Variants in NOS1 observed in about 807,000 individuals in gnomAD.
The protein encoded by NOS1 is nitric oxide synthase 1, also known as NOS type I.
A neutral mutation model predicts 164.5 loss-of-function variants in NOS1; 51 were observed. The observed-to-expected ratio is 0.31, with a 90% confidence interval of 0.25 to 0.39. The LOEUF (loss-of-function observed/expected upper bound fraction) is 0.39. NOS1 is among the 10% of genes least tolerant of loss of function. The pLI, the probability that NOS1 is intolerant of heterozygous loss-of-function variation, is 1.00. For missense variants in NOS1, 1,362 were observed against 1,885.6 expected (o/e 0.72, Z 5.14); for synonymous variants, 719 against 745.8 (o/e 0.96, Z 0.59).
intron 3 of NOS1, among the ~76,000 whole-genome samples, 167 bp from the exon 4 acceptor site, chr12:117,290,593 TTCCTGG>T (rs1386731527): frequency 4.6e-5 from 7 of 151,898 alleles, no homozygotes; most frequent in African/African-American, 1.7e-4. Flanking sequence ...ATGTACAAGG[TTCCTGG>T]GAACCTGATT....
At chr12:117,351,178 G>A (rs1876600887) in intron 1 of NOS1, among the ~76,000 whole-genome samples, 1 of 152,196 alleles carries the variant, frequency 6.6e-6, no homozygotes, top group African/African-American at 2.4e-5. Context: ...TGGCCAATGG[G>A]ATGTGGAGAC....
chr12:117,256,060 C>T (rs769478577), intron 16 of NOS1: 4 of 1,272,564 alleles, frequency 3.1e-6, no homozygotes, highest in Non-Finnish European at 3.1e-6. Flanking sequence ...ATCGATGGTG[C>T]CCTATCTCTC....
chr12:117,315,151 G>A (rs1349919133), intron 2 of NOS1, among the ~76,000 whole-genome samples: 2 of 152,076 alleles, frequency 1.3e-5, no homozygotes, highest in African/African-American at 4.8e-5. Context: ...CAGTTGAAGT[G>A]TTTTGCCAAC....
At chr12:117,268,420 C>T (rs559704997) in intron 10 of NOS1, among the ~76,000 whole-genome samples, 166 of 151,436 alleles carry the variant, frequency 1.1e-3, no homozygotes, top group African/African-American at 4.0e-3. Flanking sequence ...TTAGTAGAGA[C>T]GGGGTTTCAC....
At chr12:117,321,112 C>T (rs543884738) in intron 2 of NOS1, among the ~76,000 whole-genome samples, 13 of 152,258 alleles carry the variant, frequency 8.5e-5, no homozygotes, top group Admixed American at 3.3e-4. Flanking sequence ...CGAGTTCAAG[C>T]GATTCTCCTG....
rs1491284405 is a variant in NOS1, at chr12:117,265,781, T to TCTTC, written c.1942-272_1942-271insGAAG. On this transcript the variant is annotated intron_variant, in intron 11 of 28. Transcript: ENST00000317775. Reference sequence around the variant, plus strand: ...TCCCATCCCACCCCCATCTTTTTTTTCTTTCTTTCTTTCTTTTTCTTTTTT... The same window carrying TCTTC: ...TCCCATCCCACCCCCATCTTTTTTTTCTTCCTTTCTTTCTTTCTTTTTCTTTTTT... Among the ~76,000 whole-genome samples the TCTTC allele has an allele frequency of 2.6e-5, 4 of 151,824 alleles. No homozygotes were observed. The East Asian group carries it at 7.7e-4, about 29-fold the overall frequency.
intron 5 of NOS1, 34 bp downstream of exon 5, chr12:117,288,040 T>A: frequency 6.2e-7 from 1 of 1,611,792 alleles, no homozygotes; most frequent in Non-Finnish European, 8.5e-7. Context: ...TTCGATAACT[T>A]ACCTCGGGCT....
In NOS1 at chr12:117,212,626, A is replaced by G. The variant is rs554043981; in HGVS notation, c.*2683T>C. On this transcript the variant is annotated 3_prime_UTR_variant, in exon 29 of 29. Transcript: ENST00000317775. ...ATGGGGCTGGAGCTGCTACTGGTCAATTCAGGGGGAAGAGGGAAATAAATG... is the reference window on the plus strand; with the variant it reads ...ATGGGGCTGGAGCTGCTACTGGTCAGTTCAGGGGGAAGAGGGAAATAAATG... 18 of 985,474 alleles carry G rather than the reference A, an allele frequency of 1.8e-5. No individual in the cohort carries two copies. The Admixed American group carries it at 1.0e-3, about 57-fold the overall frequency. The allele number at this position is 985,474 out of a possible 1,614,324, so 61.0% of individuals were successfully genotyped here.
rs1875545727 is a variant in NOS1, at chr12:117,331,497, G to C, written c.-420-8C>G. 6.1e-6 allele frequency: 1 copy of C among 163,942 alleles called. No homozygotes were observed. The highest frequency in any genetic ancestry group is 1.3e-5 in the Non-Finnish European group (1 of 75,086). 10.2% of individuals were successfully genotyped at this position (163,942 alleles called of 1,614,324 possible). A position where few individuals can be genotyped will look rare whatever the true frequency, so the allele number is the denominator to read the frequency against. On this transcript the variant is annotated splice_polypyrimidine_tract_variant and splice_region_variant and intron_variant, in intron 1 of 28. Coordinates refer to ENST00000317775, the MANE Select transcript of NOS1 (RefSeq NM_000620.5). ...GATCTGAGGCATCATGAGCTGAAGAGGAAGAACAGGAGGGGATGAAAAGAA... is the reference window on the plus strand; with the variant it reads ...GATCTGAGGCATCATGAGCTGAAGACGAAGAACAGGAGGGGATGAAAAGAA...
Position 117,209,787 on chromosome 12 carries a change from C to A in NOS1, c.*5522G>T, listed in dbSNP as rs1443815432. 31 of 985,340 alleles carry A rather than the reference C, an allele frequency of 3.1e-5. No individual in the cohort carries two copies. The highest frequency in any genetic ancestry group is 3.6e-5 in the Non-Finnish European group (30 of 829,980). 61.0% of individuals were successfully genotyped at this position (985,340 alleles called of 1,614,324 possible). A position where few individuals can be genotyped will look rare whatever the true frequency, so the allele number is the denominator to read the frequency against. On this transcript the variant is annotated 3_prime_UTR_variant, in exon 29 of 29. Coordinates refer to ENST00000317775, the MANE Select transcript of NOS1 (RefSeq NM_000620.5). Reference sequence around the variant, plus strand: ...CAGCTTTTCTTTTGGGGCCCCTTTGCCACAAGGCAGGGACTGGCAGTGGGC... The same window carrying A: ...CAGCTTTTCTTTTGGGGCCCCTTTGACACAAGGCAGGGACTGGCAGTGGGC...
At chr12:117,292,243 A>G (rs945038895) in intron 3 of NOS1, among the ~76,000 whole-genome samples, 3 of 152,188 alleles carry the variant, frequency 2.0e-5, no homozygotes, top group Non-Finnish European at 4.4e-5. Flanking sequence ...GATGATAAGA[A>G]TAGAAAATGG....
At position 117,258,429 on chromosome 12, in the gene NOS1, C is replaced by T. The variant is rs1257293385; in HGVS notation, c.2499G>A (p.Met833Ile). The change falls in exon 16 of 29, where the codon ATG becomes ATA. Residue 833 changes from methionine to isoleucine, a missense_variant. This residue lies in a region of NOS1 where 737 missense variants were observed against 1,030.3 expected (regional missense o/e 0.72). Coordinates refer to ENST00000317775, the MANE Select transcript of NOS1 (RefSeq NM_000620.5). ...CTTCCTGCACAGAGTTGGGGTGCCTCATTTCCATCAAAGCACAGCCGAATT... is the reference window on the plus strand; with the variant it reads ...CTTCCTGCACAGAGTTGGGGTGCCTTATTTCCATCAAAGCACAGCCGAATT... Reference protein sequence around the residue: ...GEKFGCALMEMRHPNSVQEER... With the variant: ...GEKFGCALMEIRHPNSVQEER... 22 of 1,614,046 alleles carry T rather than the reference C, an allele frequency of 1.4e-5. No homozygotes were observed. The highest frequency in any genetic ancestry group is 1.9e-5 in the Non-Finnish European group (22 of 1,180,048).
intron 7 of NOS1, among the ~76,000 whole-genome samples, chr12:117,283,056 A>ATATATATTTTTT (rs1360367568): frequency 1.1e-5 from 1 of 92,954 alleles, no homozygotes; most frequent in African/African-American, 3.6e-5. Flanking sequence ...ATATATATAT[A>ATATATATTTTTT]TTTTTTTTTT....
At chr12:117,358,547 C>T (rs1309770066) in intron 1 of NOS1, among the ~76,000 whole-genome samples, 1 of 152,220 alleles carries the variant, frequency 6.6e-6, no homozygotes, top group Non-Finnish European at 1.5e-5. Flanking sequence ...CCAGTCTTGG[C>T]ATACCAGCAT....
chr12:117,241,241 T>A (rs1432685699), intron 20 of NOS1, among the ~76,000 whole-genome samples: 1 of 152,060 alleles, frequency 6.6e-6, no homozygotes, highest in Admixed American at 6.5e-5. Flanking sequence ...CCTGGCCAAG[T>A]AATTTTTCTA....
chr12:117,306,910 G>A (rs540267416), intron 3 of NOS1, among the ~76,000 whole-genome samples: 5 of 152,276 alleles, frequency 3.3e-5, no homozygotes, highest in East Asian at 3.9e-4. Context: ...GTGAGCCACC[G>A]CGCCTGGCCC....
chr12:117,304,611 A>G (rs1179448679), intron 3 of NOS1, among the ~76,000 whole-genome samples: 11 of 152,176 alleles, frequency 7.2e-5, no homozygotes, highest in South Asian at 2.1e-4. Flanking sequence ...TGTTCTATCT[A>G]CTATCCCAGG....
At chr12:117,359,529 G>A (rs1027320550) in intron 1 of NOS1, among the ~76,000 whole-genome samples, 1 of 152,130 alleles carries the variant, frequency 6.6e-6, no homozygotes. Flanking sequence ...TCTCCTTTCT[G>A]CTGTCTCCCA....
At chr12:117,242,541 T>G (rs1329212791) in intron 20 of NOS1, 86 bp downstream of exon 20, 1 of 1,073,714 alleles carries the variant, frequency 9.3e-7, no homozygotes, top group Admixed American at 1.7e-5. Context: ...GAACAGCCAG[T>G]CCTTGGAGTC....
Sources: allele counts gnomAD v4.1 joint callset (sites outside exome capture counted in the v4.1 genomes callset), GRCh38; gene constraint gnomAD v4.1.1; regional missense constraint gnomAD v4.1.1; transcripts MANE v1.5; gene names NCBI Gene and HGNC (gene_info 2026-07-23, HGNC 2026-07-21).